INPP4B: variants seen among roughly 807,000 people sequenced by gnomAD.
INPP4B encodes the protein inositol polyphosphate-4-phosphatase type II B.
Under a neutral mutation model 122.5 loss-of-function variants are expected in INPP4B, and 55 were observed. The observed-to-expected ratio is 0.45, with a 90% confidence interval of 0.36 to 0.56. The LOEUF (loss-of-function observed/expected upper bound fraction) is 0.56. Ranked by LOEUF, INPP4B falls within the 20% of genes least tolerant of loss-of-function variation. The probability of loss-of-function intolerance (pLI) is 0.00; values close to 1 mark genes in which losing one functional copy is unlikely to be tolerated. For missense variants in INPP4B, 1,000 were observed against 1,097.7 expected, an observed-to-expected ratio of 0.91 and a Z score of 1.26; for synonymous variants, 403 against 388.7, an observed-to-expected ratio of 1.04 and a Z score of -0.43.
intron 2 of INPP4B, among the ~76,000 whole-genome samples, chr4:142,673,189 G>T (rs1757246060): frequency 6.6e-6 from 1 of 152,070 alleles, no homozygotes; most frequent in Non-Finnish European, 1.5e-5. Flanking sequence ...TGTTCATTTA[G>T]AAAATATTAT....
chr4:142,203,642 C>A (rs1257667378), intron 14 of INPP4B, among the ~76,000 whole-genome samples: 1 of 151,964 alleles, frequency 6.6e-6, no homozygotes, highest in African/African-American at 2.4e-5. Flanking sequence ...AGTTTCAGGG[C>A]ACCCTAAGTT....
chr4:142,066,644 G>A (rs1171465931), intron 25 of INPP4B, among the ~76,000 whole-genome samples: 1 of 152,194 alleles, frequency 6.6e-6, no homozygotes, highest in Non-Finnish European at 1.5e-5. Flanking sequence ...CTTTTCCAAT[G>A]GTCTTAGCAA....
intron 2 of INPP4B, among the ~76,000 whole-genome samples, chr4:142,660,267 G>A (rs1193895689): frequency 2.0e-5 from 3 of 152,100 alleles, no homozygotes; most frequent in African/African-American, 4.8e-5. Context: ...ATGCAAGGAT[G>A]GAAGAGGGAA....
In INPP4B at chr4:142,214,163, G is replaced by A. The variant is rs186637655; in HGVS notation, c.837-5137C>T. On this transcript the variant is annotated intron_variant, in intron 12 of 25. Transcript: ENST00000262992. ...GTCCCTTTGTGTCCCATCATCAAGG[G>A]TTCAGTCTCTACTAAAGCCCAGTAT... Among the ~76,000 whole-genome samples, 11 of 152,290 alleles carry A rather than the reference G, an allele frequency of 7.2e-5. No individual in the cohort carries two copies. In the East Asian group the frequency reaches 1.4e-3, roughly 19 times the overall value.
chr4:142,798,846 TTGTG>T (rs70949190), intron 1 of INPP4B, among the ~76,000 whole-genome samples: 18 of 149,188 alleles, frequency 1.2e-4, no homozygotes, highest in Admixed American at 9.4e-4. Context: ...GTGTATATGT[TTGTG>T]TGTGTGTGTG....
intron 21 of INPP4B, among the ~76,000 whole-genome samples, chr4:142,113,448 G>T (rs913022625): frequency 2.0e-5 from 3 of 151,996 alleles, no homozygotes; most frequent in Non-Finnish European, 2.9e-5. Context: ...TGGTGGCATT[G>T]TAAGATATGC....
intron 2 of INPP4B, among the ~76,000 whole-genome samples, chr4:142,503,479 G>A (rs896817360): frequency 1.6e-4 from 25 of 151,984 alleles, no homozygotes; most frequent in African/African-American, 6.0e-4. Context: ...TATGCTATAT[G>A]GAACAAAACC....
Position 142,091,994 on chromosome 4 carries a change from G to A in INPP4B, c.2375-5738C>T, listed in dbSNP as rs551023012. ...GGATGCACCACACTCCCACTCTGAC[G>A]TCCATTTGTGTGATCCATACCCCTT... On this transcript the variant is annotated intron_variant, in intron 23 of 25. Transcript: ENST00000262992. Among the ~76,000 whole-genome samples, 20 of 152,234 alleles carry A rather than the reference G, an allele frequency of 1.3e-4. No individual in the cohort carries two copies. In the South Asian group the frequency reaches 3.5e-3, roughly 27 times the overall value.
At chr4:142,321,536 A>T (rs1210120862) in intron 7 of INPP4B, among the ~76,000 whole-genome samples, 1 of 152,096 alleles carries the variant, frequency 6.6e-6, no homozygotes, top group Non-Finnish European at 1.5e-5. Flanking sequence ...TTCTAATGTT[A>T]TCTTCTAGAA....
intron 9 of INPP4B, among the ~76,000 whole-genome samples, chr4:142,304,452 G>T (rs1762614392): frequency 6.6e-6 from 1 of 151,988 alleles, no homozygotes; most frequent in Non-Finnish European, 1.5e-5. Flanking sequence ...TCTGCTTGAA[G>T]TATTACATAG....
At chr4:142,153,899 A>G (rs550829019) in intron 17 of INPP4B, among the ~76,000 whole-genome samples, 1 of 152,310 alleles carries the variant, frequency 6.6e-6, no homozygotes, top group East Asian at 1.9e-4. Context: ...CTTTTCTTTA[A>G]TAGAACATTT....
chr4:142,842,031 A>G (rs940250684), intron 1 of INPP4B, among the ~76,000 whole-genome samples: 5 of 151,856 alleles, frequency 3.3e-5, no homozygotes, highest in Admixed American at 1.3e-4. Context: ...TCTCCTTTTA[A>G]GGGAGGAGAT....
intron 23 of INPP4B, among the ~76,000 whole-genome samples, chr4:142,086,969 T>C (rs1352146953): frequency 6.6e-6 from 1 of 151,986 alleles, no homozygotes; most frequent in Non-Finnish European, 1.5e-5. Flanking sequence ...AACTCAGGGT[T>C]GGGAGAAATC....
chr4:142,255,901 AT>A (rs1221998444), intron 11 of INPP4B, among the ~76,000 whole-genome samples: 5 of 147,448 alleles, frequency 3.4e-5, no homozygotes. Context: ...CAGAATATAC[AT>A]TTTTTTCAGC....
intron 2 of INPP4B, among the ~76,000 whole-genome samples, chr4:142,623,091 G>T (rs372147838): frequency 6.6e-6 from 1 of 151,894 alleles, no homozygotes; most frequent in Non-Finnish European, 1.5e-5. Context: ...CTTGAAAATG[G>T]AAACTCCAGA....
At chr4:142,739,542 T>A (rs1427084894) in intron 1 of INPP4B, among the ~76,000 whole-genome samples, 2 of 151,960 alleles carry the variant, frequency 1.3e-5, no homozygotes, top group Non-Finnish European at 2.9e-5. Flanking sequence ...TAAATTCGAT[T>A]GAAATATCAA....
At chr4:142,526,518 C>T (rs939821994) in intron 2 of INPP4B, among the ~76,000 whole-genome samples, 3 of 151,914 alleles carry the variant, frequency 2.0e-5, no homozygotes, top group Non-Finnish European at 2.9e-5. Flanking sequence ...TCAGTTGAGC[C>T]GTGGCTACAG....
At chr4:142,230,410 C>G (rs1020229805) in intron 12 of INPP4B, among the ~76,000 whole-genome samples, 2 of 152,022 alleles carry the variant, frequency 1.3e-5, no homozygotes, top group Non-Finnish European at 2.9e-5. Flanking sequence ...CTTTGGGAGG[C>G]TGAGGCAGGT....
intron 2 of INPP4B, among the ~76,000 whole-genome samples, chr4:142,480,567 C>A (rs1820383543): frequency 6.6e-6 from 1 of 152,180 alleles, no homozygotes; most frequent in African/African-American, 2.4e-5. Flanking sequence ...TCTCTGCTGG[C>A]CATCTGGCCA....
Sources: gnomAD v4.1 joint callset for allele counts (sites outside exome capture counted in the v4.1 genomes callset) on GRCh38, gnomAD v4.1.1 for gene constraint, MANE v1.5 for transcripts, NCBI Gene and HGNC (gene_info 2026-07-23, HGNC 2026-07-21) for gene names.